The following DMD variants were observed in gnomAD, a reference collection of about 807,000 sequenced individuals.
The protein encoded by DMD is dystrophin, also known as mutant dystrophin.
A neutral mutation model predicts 330.1 loss-of-function variants in DMD; 63 were observed. The observed-to-expected ratio is 0.19, with a 90% CI of 0.16 to 0.24. The LOEUF is 0.24. DMD is among the 10% of genes least tolerant of loss of function. DMD has a pLI of 1.00. For missense variants in DMD, 3,344 were observed against 2,684.1 expected, an observed-to-expected ratio of 1.25 and a Z score of -5.43; for synonymous variants, 1,223 against 959.8, an observed-to-expected ratio of 1.27 and a Z score of -5.07.
At chrX:32,151,201 C>G (rs911935194) in intron 44 of DMD, among the ~76,000 whole-genome samples, 1 of 111,940 alleles carries the variant, frequency 8.9e-6, no homozygotes, top group East Asian at 2.8e-4. Context: ...AAAATAAATT[C>G]TTAAAAACCC....
At chrX:32,058,532 GAT>G (rs924890334) in intron 44 of DMD, among the ~76,000 whole-genome samples, 1 of 94,490 alleles carries the variant, frequency 1.1e-5, no homozygotes, top group Non-Finnish European at 2.1e-5. Context: ...AATCCACAAT[GAT>G]ATACTACCTC....
At chrX:32,537,985 A>G (rs1165411639) in intron 17 of DMD, among the ~76,000 whole-genome samples, 1 of 112,578 alleles carries the variant, frequency 8.9e-6, no homozygotes, top group Non-Finnish European at 1.9e-5. Context: ...TTGAGCATCT[A>G]CTACACAGAA....
At chrX:33,100,021 T>C (rs1361851516) in intron 1 of DMD, among the ~76,000 whole-genome samples, 3 of 112,028 alleles carry the variant, frequency 2.7e-5, no homozygotes, top group Admixed American at 9.5e-5. Flanking sequence ...CATAAGAAGA[T>C]AAAGAATGAA....
intron 56 of DMD, among the ~76,000 whole-genome samples, chrX:31,503,148 T>C (rs2070582688): frequency 8.9e-6 from 1 of 112,374 alleles, no homozygotes; most frequent in Non-Finnish European, 1.9e-5. Context: ...ATTAAATTTC[T>C]TTTCTCTCAA....
intron 1 of DMD, among the ~76,000 whole-genome samples, chrX:33,221,581 G>T (rs895065363): frequency 1.2e-4 from 13 of 110,520 alleles, no homozygotes; most frequent in African/African-American, 3.9e-4. Flanking sequence ...CATTAACAAA[G>T]AGCTATTTTT....
chrX:32,772,533 G>A (rs2073720355), intron 7 of DMD, among the ~76,000 whole-genome samples: 1 of 112,233 alleles, frequency 8.9e-6, no homozygotes, highest in South Asian at 3.7e-4. Context: ...AATTGCTTGT[G>A]TAAAGTTTTT....
At chrX:33,139,639 ACTCT>A (rs1044488978) in intron 1 of DMD, among the ~76,000 whole-genome samples, 1 of 107,596 alleles carries the variant, frequency 9.3e-6, no homozygotes, top group African/African-American at 3.4e-5. Flanking sequence ...GACACCTCCC[ACTCT>A]CTCTCTCATG....
intron 16 of DMD, among the ~76,000 whole-genome samples, chrX:32,551,481 C>G (rs1049714977): frequency 1.5e-4 from 17 of 111,619 alleles, no homozygotes; most frequent in African/African-American, 5.5e-4. Context: ...ACTGAAGGAA[C>G]ATATTTCAAA....
At chrX:32,507,596 C>T (rs2044757776) in intron 18 of DMD, among the ~76,000 whole-genome samples, 1 of 111,500 alleles carries the variant, frequency 9.0e-6, no homozygotes, top group Non-Finnish European at 1.9e-5. Context: ...ACAACCACCA[C>T]AACTACAACA....
intron 43 of DMD, among the ~76,000 whole-genome samples, chrX:32,266,758 G>A (rs2097346227): frequency 8.9e-6 from 1 of 111,742 alleles, no homozygotes; most frequent in Non-Finnish European, 1.9e-5. Context: ...ATACCTGCAA[G>A]AAGACACATG....
chrX:33,130,372 C>T (rs898350607), intron 1 of DMD, among the ~76,000 whole-genome samples: 3 of 110,814 alleles, frequency 2.7e-5, no homozygotes, highest in African/African-American at 9.9e-5. Context: ...CACTTGGCAT[C>T]TGGGAACATT....
At chrX:32,665,514 T>C (rs138486923) in intron 9 of DMD, among the ~76,000 whole-genome samples, 1,190 of 112,339 alleles carry the variant, frequency 0.011, 23 homozygotes, top group African/African-American at 0.036. Flanking sequence ...ATTCAATTAA[T>C]ACTAAAATGA....
intron 1 of DMD, among the ~76,000 whole-genome samples, chrX:33,286,757 C>T (rs187461625): frequency 1.8e-5 from 2 of 112,290 alleles, no homozygotes; most frequent in African/African-American, 6.5e-5. Context: ...CAGGTAGTAT[C>T]GCTGACAGGC....
At chrX:31,716,623 G>A (rs1441966945) in intron 52 of DMD, among the ~76,000 whole-genome samples, 1 of 110,704 alleles carries the variant, frequency 9.0e-6, no homozygotes, top group Admixed American at 9.6e-5. Context: ...TTTCTAAAAC[G>A]GGCTAAACAT....
intron 74 of DMD, among the ~76,000 whole-genome samples, chrX:31,167,896 C>G (rs1014841167): frequency 2.2e-4 from 25 of 111,795 alleles, no homozygotes; most frequent in African/African-American, 6.8e-4. Flanking sequence ...AAGACACACA[C>G]TAGCTCATTA....
At chrX:32,707,833 T>TA (rs1365128478) in intron 7 of DMD, among the ~76,000 whole-genome samples, 3 of 111,947 alleles carry the variant, frequency 2.7e-5, no homozygotes, top group African/African-American at 9.7e-5. Context: ...TGTACTTTCT[T>TA]ACAATTCTCT....
chrX:31,246,618 C>T (rs1259737083), intron 63 of DMD, among the ~76,000 whole-genome samples: 1 of 112,204 alleles, frequency 8.9e-6, no homozygotes, highest in Non-Finnish European at 1.9e-5. Flanking sequence ...TCTGAAATCA[C>T]AGGGCCCTTA....
At position 33,305,136 on chromosome X, in the gene DMD, T is replaced by C. The variant is rs1412733452; in HGVS notation, c.7+34123A>G. On this transcript the variant is annotated intron_variant, in intron 1 of 17. Coordinates refer to the DMD transcript ENST00000288447. The stretch of plus-strand genomic sequence containing the variant: ...TGCACACGTATGTTCATTGCGGCAC[T>C]ATTCACAATAGCAAAGACTTGGAAC... 1.4e-4 allele frequency among the ~76,000 whole-genome samples: 15 copies of C among 108,715 alleles called. 1 individual carries two copies. In the South Asian group the frequency reaches 6.2e-3, roughly 45 times the overall value. 94.4% of individuals were successfully genotyped at this position (108,715 alleles called of 115,157 possible). A position where few individuals can be genotyped will look rare whatever the true frequency, so the allele number is the denominator to read the frequency against.
In DMD at chrX:32,406,681, C is replaced by A. The variant is rs752187121; in HGVS notation, c.4233+5071G>T. 4.5e-5 allele frequency among the ~76,000 whole-genome samples: 5 copies of A among 110,786 alleles called. No homozygotes were observed. The South Asian group carries it at 1.9e-3, about 42-fold the overall frequency. On this transcript the variant is annotated intron_variant, in intron 30 of 78. Transcript: ENST00000357033. ...AGTATTTTATTGAGGATTTTTGCAT[C>A]GATGTTCATCAGGGATATTGGTCTA...
Sources: gnomAD v4.1 joint callset for allele counts (sites outside exome capture counted in the v4.1 genomes callset) on GRCh38, gnomAD v4.1.1 for gene constraint, MANE v1.5 for transcripts, NCBI Gene and HGNC (gene_info 2026-07-23, HGNC 2026-07-21) for gene names.